Variants in SNTB2 observed in about 807,000 individuals in gnomAD.
SNTB2 encodes beta-2-syntrophin.
Under a neutral mutation model 46.2 loss-of-function variants are expected in SNTB2, and 34 were observed. The ratio of observed to expected loss-of-function variants is 0.74; its 90% confidence interval spans 0.56 to 0.98. The LOEUF (loss-of-function observed/expected upper bound fraction) is 0.98. SNTB2 is among the 50% of genes least tolerant of loss of function. The probability of loss-of-function intolerance (pLI) is 0.00; values close to 1 mark genes in which losing one functional copy is unlikely to be tolerated. For synonymous variants in SNTB2, 290 were observed against 312.6 expected (o/e 0.93, Z 0.76); for missense variants, 603 against 731.4 (o/e 0.82, Z 2.02).
intron 1 of SNTB2, among the ~76,000 whole-genome samples, chr16:69,229,463 G>T (rs955120318): frequency 6.7e-6 from 1 of 149,564 alleles, no homozygotes; most frequent in African/African-American, 2.5e-5. Flanking sequence ...AGCCACTGTG[G>T]CCTGCCTGAA....
intron 1 of SNTB2, among the ~76,000 whole-genome samples, chr16:69,202,983 G>A (rs1396663661): frequency 6.6e-6 from 1 of 151,936 alleles, no homozygotes; most frequent in African/African-American, 2.4e-5. Context: ...GCCTCCCAAA[G>A]TTCTAGGATT....
chr16:69,214,103 G>A (rs1159548360), intron 1 of SNTB2, among the ~76,000 whole-genome samples: 2 of 149,446 alleles, frequency 1.3e-5, no homozygotes, highest in Non-Finnish European at 3.0e-5. Context: ...GATTACAGGC[G>A]TGAGCCACCA....
intron 1 of SNTB2, among the ~76,000 whole-genome samples, chr16:69,223,636 G>GT (rs367605003): frequency 0.035 from 5,183 of 146,868 alleles, 284 homozygotes; most frequent in African/African-American, 0.12. Flanking sequence ...TGACAGTTTT[G>GT]TTTTTTTTTT....
chr16:69,280,802 C>CTT (rs35066494), intron 4 of SNTB2, among the ~76,000 whole-genome samples: 31 of 146,324 alleles, frequency 2.1e-4, no homozygotes, highest in Non-Finnish European at 3.3e-4. Context: ...TTCATTCTCT[C>CTT]TTTTTTTTTT....
intron 1 of SNTB2, among the ~76,000 whole-genome samples, chr16:69,201,390 A>G (rs1294380487): frequency 1.3e-5 from 2 of 152,202 alleles, no homozygotes; most frequent in Non-Finnish European, 2.9e-5. Context: ...CAGCAGGCCA[A>G]CTTATTTATG....
chr16:69,187,773 G>GGGGGGGGGGGGGGC, intron 1 of SNTB2, 27 bp downstream of exon 1: 2 of 331,854 alleles, frequency 6.0e-6, no homozygotes, highest in Non-Finnish European at 1.1e-5. Context: ...GGGAGGGTGG[G>GGGGGGGGGGGGGGC]CAGGCCGCGG....
At chr16:69,258,421 A>G (rs1431958290) in intron 2 of SNTB2, among the ~76,000 whole-genome samples, 1 of 151,968 alleles carries the variant, frequency 6.6e-6, no homozygotes, top group East Asian at 1.9e-4. Context: ...TATTTTAGCT[A>G]TTTTCTAAAG....
chr16:69,225,439 T>TGTTGTCTAGTGGAAATTTC (rs1336158477), intron 1 of SNTB2, among the ~76,000 whole-genome samples: 1 of 152,250 alleles, frequency 6.6e-6, no homozygotes, highest in African/African-American at 2.4e-5. Flanking sequence ...GTTTTTTTGT[T>TGTTGTCTAGTGGAAATTTC]GTTGTCTAGT....
At chr16:69,191,920 C>T in intron 1 of SNTB2, among the ~76,000 whole-genome samples, 1 of 152,170 alleles carries the variant, frequency 6.6e-6, no homozygotes, top group East Asian at 1.9e-4. Context: ...GGATTACAGG[C>T]ATGAGCCACC....
At chr16:69,298,799 G>A (rs1044164681) in intron 5 of SNTB2, among the ~76,000 whole-genome samples, 3 of 152,044 alleles carry the variant, frequency 2.0e-5, no homozygotes, top group African/African-American at 7.2e-5. Flanking sequence ...TGGGATTACA[G>A]GTGTGAGCCA....
intron 1 of SNTB2, among the ~76,000 whole-genome samples, chr16:69,206,941 AT>A (rs753116880): frequency 1.3e-5 from 2 of 149,470 alleles, no homozygotes; most frequent in African/African-American, 2.5e-5. Context: ...AATTTTTTGT[AT>A]TTTTAGTAGA....
At position 69,260,051 on chromosome 16, in the gene SNTB2, T is replaced by A. The variant is rs377008817; in HGVS notation, c.796T>A (p.Leu266Met). 6.2e-7 allele frequency: 1 copy of A among 1,612,960 alleles called. No homozygotes were observed. The highest frequency in any genetic ancestry group is 1.3e-5 in the African/African-American group (1 of 74,998). The change falls in exon 3 of 7, where the codon TTG becomes ATG. Residue 266 changes from leucine to methionine, a missense_variant and splice_region_variant. Physicochemically the swap from Leu to Met is conservative, Grantham distance 15 (BLOSUM62 2). Transcript: ENST00000336278. ...TTTTTTTTTTCTTTTTCCACACAGA[T>A]TGATAGAGCTACATTCTCCTGATAG... is the stretch of plus-strand genomic sequence containing the variant. ...NLSMPDLENR[L>M]IELHSPDSRN... is the part of the protein sequence containing the mutation.
chr16:69,258,651 G>GCC, intron 2 of SNTB2, among the ~76,000 whole-genome samples: 1 of 125,962 alleles, frequency 7.9e-6, no homozygotes, highest in South Asian at 2.4e-4. Flanking sequence ...TCGCTTTGTC[G>GCC]CCCAGGCTGG....
chr16:69,264,275 G>T lies in SNTB2; in HGVS notation c.1005+4015G>T, dbSNP rs138812027. Among the ~76,000 whole-genome samples, 1,414 of 152,268 alleles carry T rather than the reference G, an allele frequency of 9.3e-3. 14 individuals carry two copies. The highest frequency in any genetic ancestry group is 0.013 in the Non-Finnish European group (903 of 68,020). ...TAAGCCGAGGGCTCTCGCTCTTCTGGTCTCCTGGGTCTGCCCTACCTGAAG... is the reference window on the plus strand; with the variant it reads ...TAAGCCGAGGGCTCTCGCTCTTCTGTTCTCCTGGGTCTGCCCTACCTGAAG... On this transcript the variant is annotated intron_variant, in intron 3 of 6. Transcript: ENST00000336278.
At chr16:69,200,774 C>G (rs909945748) in intron 1 of SNTB2, among the ~76,000 whole-genome samples, 5 of 152,144 alleles carry the variant, frequency 3.3e-5, no homozygotes. Context: ...CTTGGCTTCC[C>G]AAATTTCTGG....
At chr16:69,280,454 C>G (rs898005636) in intron 4 of SNTB2, among the ~76,000 whole-genome samples, 4 of 144,492 alleles carry the variant, frequency 2.8e-5, no homozygotes, top group Non-Finnish European at 6.1e-5. Context: ...AGAGGCGCCC[C>G]TCACCTCCCG....
intron 5 of SNTB2, among the ~76,000 whole-genome samples, chr16:69,299,163 G>A (rs1184885953): frequency 9.9e-6 from 1 of 100,886 alleles, no homozygotes; most frequent in African/African-American, 4.0e-5. Flanking sequence ...TTTTTTTTTT[G>A]AGACAGTCTT....
Position 69,218,611 on chromosome 16 carries a change from C to T in SNTB2, c.581-26991C>T, listed in dbSNP as rs191868515. Among the ~76,000 whole-genome samples, 1,157 of 151,982 alleles carry T rather than the reference C, an allele frequency of 7.6e-3. 14 individuals carry two copies. The highest frequency in any genetic ancestry group is 0.025 in the African/African-American group (1,039 of 41,460). On this transcript the variant is annotated intron_variant, in intron 1 of 6. Coordinates refer to ENST00000336278, the MANE Select transcript of SNTB2 (RefSeq NM_006750.4). ...TAATGTTTTGTATTTTTAGTAGAGA[C>T]GGGGTTTCACTGTGTTAGCCAGGAT... is the stretch of plus-strand genomic sequence containing the variant.
rs150112245 is a variant in SNTB2, at chr16:69,201,287, T to C, written c.580+13541T>C. 2.8e-3 allele frequency among the ~76,000 whole-genome samples: 428 copies of C among 152,334 alleles called. 3 individuals are homozygous for C. The highest frequency in any genetic ancestry group is 4.7e-3 in the Admixed American group (72 of 15,298). ...GTCACTGAACTAGAAGGACTCCTCA[T>C]TAACACCAATAAATGGGAGAGAATG... On this transcript the variant is annotated intron_variant, in intron 1 of 6. Transcript: ENST00000336278.
Sources: gnomAD v4.1 joint callset for allele counts (sites outside exome capture counted in the v4.1 genomes callset) on GRCh38, gnomAD v4.1.1 for gene constraint, MANE v1.5 for transcripts, NCBI Gene and HGNC (gene_info 2026-07-23, HGNC 2026-07-21) for gene names.